Variants in NUF2 observed in about 807,000 individuals in gnomAD.
The protein encoded by NUF2 is kinetochore protein Nuf2.
Under a neutral mutation model 61.8 loss-of-function variants are expected in NUF2, and 34 were observed. That is an observed-to-expected ratio of 0.55 (90% CI 0.42 to 0.73). NUF2 has a LOEUF of 0.73. Ranked by LOEUF, NUF2 falls within the 30% of genes least tolerant of loss-of-function variation. NUF2 has a pLI of 0.00. For synonymous variants in NUF2, 172 were observed against 181.6 expected (o/e 0.95, Z 0.42); for missense variants, 445 against 539.1 (o/e 0.83, Z 1.73).
rs536480913 is a variant in NUF2 at position 163,340,421 on chromosome 1, C to G, written c.664C>G (p.Arg222Gly). 3 of 1,608,072 alleles carry G rather than the reference C, an allele frequency of 1.9e-6. No homozygotes were observed. The East Asian group carries it at 6.7e-5, about 36-fold the overall frequency. Residue 222 changes from arginine to glycine, a missense_variant, in exon 9 of 14, where the codon CGT (arginine) becomes GGT (glycine). Arg to Gly is a moderately radical substitution (Grantham distance 125, BLOSUM62 -2). Coordinates refer to ENST00000271452, the MANE Select transcript of NUF2 (RefSeq NM_145697.3). ...GTCAAATATTTCAGAGAAAACCAAG[C>G]GTTTGGTAAACATCTTTTCTTTTCA... ...KKSNISEKTK[R>G]LNELKLSVVS...
intron 11 of NUF2, among the ~76,000 whole-genome samples, chr1:163,347,249 C>G (rs1651164359): frequency 6.6e-6 from 1 of 152,236 alleles, no homozygotes; most frequent in African/African-American, 2.4e-5. Flanking sequence ...ACTTGATCAT[C>G]TTCATCCAGG....
intron 5 of NUF2, 105 bp from the exon 6 acceptor site, chr1:163,336,646 A>G (rs1650768665): frequency 1.4e-6 from 1 of 699,380 alleles, no homozygotes; most frequent in Non-Finnish European, 2.5e-6. Flanking sequence ...ATACAGTTTT[A>G]TTTTATATAT....
intron 13 of NUF2, among the ~76,000 whole-genome samples, chr1:163,351,388 ACT>A (rs1651313268): frequency 6.6e-6 from 1 of 152,198 alleles, no homozygotes; most frequent in Non-Finnish European, 1.5e-5. Flanking sequence ...CACAACTGTT[ACT>A]TTTAATTCAG....
In NUF2 at chr1:163,354,829, T is replaced by C. The variant is rs866610911; in HGVS notation, c.1261-506T>C. On this transcript the variant is annotated intron_variant, in intron 13 of 13. Coordinates refer to ENST00000271452, the MANE Select transcript of NUF2 (RefSeq NM_145697.3). ...TTAATCTATAAAAATTGTTGTTTTA[T>C]TTTTTAAAATTCTTAGCACATCCAT... Among the ~76,000 whole-genome samples the C allele has an allele frequency of 1.3e-3, 201 of 152,220 alleles. 1 individual carries two copies. The highest frequency in any genetic ancestry group is 3.4e-3 in the Middle Eastern group (1 of 294).
rs1651453914 is a variant in NUF2, at chr1:163,355,394, A to G, written c.1320A>G (p.Ala440=). 31 of 1,609,870 alleles carry G rather than the reference A, an allele frequency of 1.9e-5. No individual in the cohort carries two copies. In the East Asian group the frequency reaches 6.7e-4, roughly 35 times the overall value. The change falls in exon 14 of 14, where the codon GCA becomes GCG. Residue 440 remains alanine (A), a synonymous_variant. Transcript: ENST00000271452. ...AATACCACGACGGTATTGAAAAGGC[A>G]GCAGAGGACTCCTATGCTAAGATAG... The part of the protein sequence containing the change: ...LEKYHDGIEK[A]AEDSYAKIDE...
At chr1:163,336,307 T>G (rs1051423578) in intron 5 of NUF2, among the ~76,000 whole-genome samples, 2 of 152,178 alleles carry the variant, frequency 1.3e-5, no homozygotes, top group Non-Finnish European at 2.9e-5. Context: ...CTCTGTCTTC[T>G]TGACCCAGCA....
In NUF2 at chr1:163,340,361, T is replaced by C; in HGVS notation, c.607-3T>C. 6.2e-7 allele frequency: 1 copy of C among 1,607,844 alleles called. No individual in the cohort carries two copies. The highest frequency in any genetic ancestry group is 8.5e-7 in the Non-Finnish European group (1 of 1,175,844). ...TATAAAACGTGTTTGCTTTTTCCCTTAGATAGTGCTGCAAGAGGGAAATTC... is the reference window on the plus strand; with the variant it reads ...TATAAAACGTGTTTGCTTTTTCCCTCAGATAGTGCTGCAAGAGGGAAATTC... On this transcript the variant is annotated splice_region_variant and splice_polypyrimidine_tract_variant and intron_variant, in intron 8 of 13. Transcript: ENST00000271452.
intron 1 of NUF2, chr1:163,323,139 TAA>T (rs1161937320): frequency 6.6e-6 from 1 of 152,222 alleles, no homozygotes; most frequent in African/African-American, 2.4e-5. Context: ...TATGATGCGT[TAA>T]GTGTTTTTAT....
chr1:163,345,620 A>C, intron 10 of NUF2, 58 bp from the exon 11 acceptor site: 6 of 1,426,346 alleles, frequency 4.2e-6, no homozygotes, highest in Non-Finnish European at 5.8e-6. Context: ...AATTGATATT[A>C]CTGCAGCTTC....
At chr1:163,336,916 T>A in intron 6 of NUF2, 68 bp downstream of exon 6, 1 of 1,005,864 alleles carries the variant, frequency 9.9e-7, no homozygotes, top group Admixed American at 1.8e-5. Context: ...TTATAATCTG[T>A]TTTGAAATGA....
At chr1:163,347,003 G>T (rs116358987) in intron 11 of NUF2, among the ~76,000 whole-genome samples, 497 of 152,252 alleles carry the variant, frequency 3.3e-3, no homozygotes, top group African/African-American at 0.011. Flanking sequence ...TTGACCAGGG[G>T]TAACTGTAAC....
chr1:163,344,454 G>A (rs549526342), intron 10 of NUF2, among the ~76,000 whole-genome samples: 3 of 125,132 alleles, frequency 2.4e-5, no homozygotes, highest in Non-Finnish European at 3.6e-5. Context: ...TCTTCAGATC[G>A]TAGCATAAAA....
intron 5 of NUF2, among the ~76,000 whole-genome samples, 178 bp from the exon 6 acceptor site, chr1:163,336,573 A>G (rs1165565802): frequency 6.6e-6 from 1 of 151,782 alleles, no homozygotes; most frequent in African/African-American, 2.4e-5. Context: ...TTTTAAAGTT[A>G]TTAATACAAA....
intron 5 of NUF2, among the ~76,000 whole-genome samples, chr1:163,331,682 G>A (rs951776653): frequency 1.3e-5 from 2 of 151,920 alleles, no homozygotes; most frequent in African/African-American, 4.8e-5. Flanking sequence ...AATAGGTTAA[G>A]GGCTATTCTG....
intron 8 of NUF2, 96 bp downstream of exon 8, chr1:163,339,573 A>G (rs1486883278): frequency 1.2e-5 from 8 of 683,224 alleles, no homozygotes; most frequent in African/African-American, 3.6e-5. Context: ...TGCTTTCTCT[A>G]TTACCAAAGA....
chr1:163,340,521 C>A, intron 9 of NUF2, 95 bp downstream of exon 9: 2 of 756,282 alleles, frequency 2.6e-6, no homozygotes, highest in Non-Finnish European at 4.3e-6. Flanking sequence ...AAATGTTTCT[C>A]CCTTTTTCCC....
intron 10 of NUF2, 152 bp from the exon 11 acceptor site, chr1:163,345,526 T>C: frequency 1.6e-6 from 1 of 608,614 alleles, no homozygotes; most frequent in Non-Finnish European, 2.8e-6. Flanking sequence ...TCAGTAATAG[T>C]GCTGTATTAC....
Position 163,355,543 on chromosome 1 carries a change from C to A in NUF2, c.*74C>A. 1 of 1,345,268 alleles carries A rather than the reference C, an allele frequency of 7.4e-7. No individual in the cohort carries two copies. The highest frequency in any genetic ancestry group is 1.0e-6 in the Non-Finnish European group (1 of 979,860). The allele number at this position is 1,345,268 out of a possible 1,614,324, so 83.3% of individuals were successfully genotyped here. ...TTCTATTTAGAAAGAAAAGTTGAAG[C>A]GAATGGAAGTATCAGAAGTACCAAA... is the stretch of plus-strand genomic sequence containing the variant. On this transcript the variant is annotated 3_prime_UTR_variant, in exon 14 of 14. Coordinates refer to ENST00000271452, the MANE Select transcript of NUF2 (RefSeq NM_145697.3).
chr1:163,324,604 C>T (rs559514933), intron 1 of NUF2, among the ~76,000 whole-genome samples: 2 of 152,176 alleles, frequency 1.3e-5, no homozygotes, highest in South Asian at 2.1e-4. Context: ...ATTGGGTCTC[C>T]GAGATCATTT....
Sources: gnomAD v4.1 joint callset for allele counts (sites outside exome capture counted in the v4.1 genomes callset) on GRCh38, gnomAD v4.1.1 for gene constraint, MANE v1.5 for transcripts, NCBI Gene and HGNC (gene_info 2026-07-23, HGNC 2026-07-21) for gene names.